Variants in KIAA0586 observed in about 807,000 individuals in gnomAD.
KIAA0586 encodes protein TALPID3.
KIAA0586 carries 144 observed loss-of-function variants against 169.8 expected under a neutral mutation model. The observed-to-expected ratio is 0.85, with a 90% CI of 0.74 to 0.97. The LOEUF (loss-of-function observed/expected upper bound fraction) is 0.97, where lower values mean the gene tolerates loss of function less well. KIAA0586 is among the 50% of genes least tolerant of loss of function. The probability of loss-of-function intolerance (pLI) is 0.00; values close to 1 mark genes in which losing one functional copy is unlikely to be tolerated. For synonymous variants in KIAA0586, 625 were observed against 612.4 expected, an observed-to-expected ratio of 1.02 and a Z score of -0.30; for missense variants, 1,854 against 1,823.0, an observed-to-expected ratio of 1.02 and a Z score of -0.31.
At chr14:58,445,340 G>A (rs1446640780) in intron 6 of KIAA0586, among the ~76,000 whole-genome samples, 2 of 151,998 alleles carry the variant, frequency 1.3e-5, no homozygotes, top group Non-Finnish European at 2.9e-5. Context: ...AATGCCTTTT[G>A]AGAGTAAGGC....
chr14:58,449,662 G>C (rs1459326947), intron 7 of KIAA0586, among the ~76,000 whole-genome samples: 1 of 152,194 alleles, frequency 6.6e-6, no homozygotes, highest in African/African-American at 2.4e-5. Context: ...GACTTGGGAG[G>C]GAGGATGTCA....
In KIAA0586 at chr14:58,548,281, AC is replaced by A. The variant is rs1421998299; in HGVS notation, c.*350del. On this transcript the variant is annotated 3_prime_UTR_variant, in exon 31 of 31. Coordinates refer to ENST00000652326, the MANE Select transcript of KIAA0586 (RefSeq NM_001329943.3). ...GGTTATTCATTCTAACATTTTTATA[AC>A]AGCAAATAGAAAAAATCAAATGTCT... The A allele has an allele frequency of 1.1e-5, 2 of 179,556 alleles. No homozygotes were observed. The highest frequency in any genetic ancestry group is 4.7e-5 in the African/African-American group (2 of 42,408). 11.1% of individuals were successfully genotyped at this position (179,556 alleles called of 1,614,324 possible).
chr14:58,521,950 G>C, intron 29 of KIAA0586: 1 of 1,373,824 alleles, frequency 7.3e-7, no homozygotes, highest in Admixed American at 1.7e-5. Flanking sequence ...TGAAGAAGGA[G>C]AGGATGACAG....
At chr14:58,427,497 C>A, upstream of KIAA0586, 2 of 1,220,388 alleles carry the variant, frequency 1.6e-6, no homozygotes, top group Admixed American at 2.1e-5. Context: ...TTGGATGAGA[C>A]TGTAGAGCGG....
intron 27 of KIAA0586, among the ~76,000 whole-genome samples, chr14:58,506,682 CAAAA>C (rs966237090): frequency 3.9e-5 from 3 of 77,784 alleles, no homozygotes; most frequent in Non-Finnish European, 7.9e-5. Flanking sequence ...GTCTCCGTCT[CAAAA>C]AAAAAAAAAA....
At chr14:58,543,583 AT>A (rs1282379657) in intron 30 of KIAA0586, among the ~76,000 whole-genome samples, 1 of 152,116 alleles carries the variant, frequency 6.6e-6, no homozygotes, top group Non-Finnish European at 1.5e-5. Context: ...AAGTGACCTG[AT>A]TTGGACCCTA....
chr14:58,463,969 G>C, intron 14 of KIAA0586: 3 of 445,948 alleles, frequency 6.7e-6, no homozygotes, highest in South Asian at 5.1e-5. Context: ...AGACCTTGCA[G>C]GACCTCACCT....
At chr14:58,536,577 G>C (rs1469952085) in intron 29 of KIAA0586, among the ~76,000 whole-genome samples, 1 of 152,150 alleles carries the variant, frequency 6.6e-6, no homozygotes, top group Non-Finnish European at 1.5e-5. Flanking sequence ...CTTGGCACCA[G>C]AGATAGCAAC....
At chr14:58,544,170 T>G (rs2046839486) in intron 30 of KIAA0586, among the ~76,000 whole-genome samples, 1 of 152,208 alleles carries the variant, frequency 6.6e-6, no homozygotes, top group Non-Finnish European at 1.5e-5. Flanking sequence ...GCTTCCAGTT[T>G]CATCCATGTT....
At chr14:58,522,714 T>C (rs2045309702) in intron 29 of KIAA0586, among the ~76,000 whole-genome samples, 1 of 152,178 alleles carries the variant, frequency 6.6e-6, no homozygotes, top group South Asian at 2.1e-4. Flanking sequence ...ATCTCAGAAA[T>C]AATTTGTTAG....
At chr14:58,556,157 A>G (rs2140176475), downstream of KIAA0586, among the ~76,000 whole-genome samples, 1 of 152,334 alleles carries the variant, frequency 6.6e-6, no homozygotes, top group South Asian at 2.1e-4. Context: ...CCAAATGCAT[A>G]TCTACTGTCT....
chr14:58,430,479 T>C (rs1274006395), intron 2 of KIAA0586, among the ~76,000 whole-genome samples, 169 bp from the exon 3 acceptor site: 1 of 152,236 alleles, frequency 6.6e-6, no homozygotes, highest in Non-Finnish European at 1.5e-5. Context: ...CAACAAATCT[T>C]TGAGTAGCTT....
intron 29 of KIAA0586, chr14:58,521,644 A>G: frequency 1.9e-6 from 2 of 1,040,628 alleles, no homozygotes; most frequent in Non-Finnish European, 3.0e-6. Context: ...AGTTGAAAGG[A>G]GATGACCTTC....
intron 6 of KIAA0586, among the ~76,000 whole-genome samples, chr14:58,446,620 G>A (rs2038928143): frequency 6.6e-6 from 1 of 151,914 alleles, no homozygotes; most frequent in Admixed American, 6.6e-5. Context: ...TCAGAAGAAT[G>A]TACTAAAATA....
intron 29 of KIAA0586, among the ~76,000 whole-genome samples, chr14:58,531,191 G>GT (rs2045941134): frequency 6.6e-6 from 1 of 151,584 alleles, no homozygotes; most frequent in Non-Finnish European, 1.5e-5. Context: ...GCCGGGCATG[G>GT]TGGTGGGCAC....
chr14:58,543,177 A>T (rs952810490), intron 30 of KIAA0586, among the ~76,000 whole-genome samples: 3 of 151,186 alleles, frequency 2.0e-5, no homozygotes, highest in African/African-American at 7.3e-5. Context: ...GTTGGTACTC[A>T]TATTTTTTTT....
At chr14:58,437,066 T>C (rs1395625867) in intron 4 of KIAA0586, among the ~76,000 whole-genome samples, 1 of 152,206 alleles carries the variant, frequency 6.6e-6, no homozygotes, top group Non-Finnish European at 1.5e-5. Context: ...GGCTAGACTA[T>C]AGTCCAGCAA....
chr14:58,502,328 C>T (rs186676170), intron 27 of KIAA0586, among the ~76,000 whole-genome samples: 139 of 152,100 alleles, frequency 9.1e-4, no homozygotes, highest in Middle Eastern at 3.4e-3. Flanking sequence ...TTTGTAGAGA[C>T]GGGGTTTTGC....
chr14:58,550,784 T>TG lies in KIAA0586; in HGVS notation c.*2854dup, dbSNP rs1228919704. 6.8e-6 allele frequency: 1 copy of TG among 147,610 alleles called. No individual in the cohort carries two copies. Among genetic ancestry groups the TG allele is most frequent in the Non-Finnish European group, 1.5e-5 (1 of 67,332 alleles). 9.1% of individuals were successfully genotyped at this position (147,610 alleles called of 1,614,324 possible). On this transcript the variant is annotated 3_prime_UTR_variant, in exon 31 of 31. Transcript: ENST00000652326. The stretch of plus-strand genomic sequence containing the variant: ...AGGATGTCAAGACTGCAGTGAGCCG[T>TG]GGTTGTGCCACTGCACTCCAGCCTG...
Sources: allele counts gnomAD v4.1 joint callset (sites outside exome capture counted in the v4.1 genomes callset), GRCh38; gene constraint gnomAD v4.1.1; transcripts MANE v1.5; gene names NCBI Gene and HGNC (gene_info 2026-07-23, HGNC 2026-07-21).